The following RHOU variants were observed in gnomAD, a reference collection of about 807,000 sequenced individuals.
The protein encoded by RHOU is rho-related GTP-binding protein RhoU.
A neutral mutation model predicts 12.6 loss-of-function variants in RHOU; 8 were observed. The observed-to-expected ratio is 0.64, with a 90% CI of 0.37 to 1.15. The LOEUF (loss-of-function observed/expected upper bound fraction) is 1.15, where lower values mean the gene tolerates loss of function less well. RHOU is among the 50% of genes most tolerant of loss of function. The probability of loss-of-function intolerance (pLI) is 0.01; values close to 1 mark genes in which losing one functional copy is unlikely to be tolerated. For missense variants in RHOU, 258 were observed against 347.0 expected (o/e 0.74, Z 2.04); for synonymous variants, 161 against 147.4 (o/e 1.09, Z -0.67).
chr1:228,696,302 T>C, the RHOU span, among the ~76,000 whole-genome samples: 6 of 150,038 alleles, frequency 4.0e-5, no homozygotes, highest in Admixed American at 1.3e-4. Flanking sequence ...CAAGGAGAAG[T>C]AGAAGAAATT....
chr1:228,719,871 T>C, the RHOU span, among the ~76,000 whole-genome samples: 1 of 152,230 alleles, frequency 6.6e-6, no homozygotes, highest in Non-Finnish European at 1.5e-5. Context: ...TCTCCTGACC[T>C]GCACTGGTTA....
the RHOU span, among the ~76,000 whole-genome samples, chr1:228,711,421 A>G: frequency 6.6e-6 from 1 of 152,196 alleles, no homozygotes; most frequent in Non-Finnish European, 1.5e-5. Context: ...CTACAAGGCT[A>G]CAATAACCAA....
the RHOU span, chr1:228,650,346 C>T: frequency 6.3e-5 from 29 of 462,108 alleles, no homozygotes; most frequent in South Asian, 3.5e-4. Flanking sequence ...TGGCCTTTAC[C>T]GCCTTGAGCG....
the RHOU span, among the ~76,000 whole-genome samples, chr1:228,691,554 G>T: frequency 3.9e-5 from 6 of 152,040 alleles, no homozygotes; most frequent in Admixed American, 6.6e-5. Flanking sequence ...TGCATTTAAG[G>T]TTCTTCATGT....
At chr1:228,729,084 C>T in the RHOU span, among the ~76,000 whole-genome samples, 7 of 152,064 alleles carry the variant, frequency 4.6e-5, no homozygotes, top group East Asian at 5.8e-4. Context: ...TCAGTAGAGT[C>T]GGAGTTTCAC....
the RHOU span, among the ~76,000 whole-genome samples, chr1:228,725,880 A>T: frequency 6.6e-6 from 1 of 152,206 alleles, no homozygotes; most frequent in African/African-American, 2.4e-5. Flanking sequence ...TGAGTAGATA[A>T]AAAAATGATT....
intron 2 of RHOU, among the ~76,000 whole-genome samples, chr1:228,740,060 G>A (rs1662690615): frequency 6.6e-6 from 1 of 152,214 alleles, no homozygotes; most frequent in South Asian, 2.1e-4. Flanking sequence ...GAAAACCTCT[G>A]AGCAGAGTTT....
At chr1:228,658,692 A>T in the RHOU span, among the ~76,000 whole-genome samples, 1 of 152,242 alleles carries the variant, frequency 6.6e-6, no homozygotes, top group Non-Finnish European at 1.5e-5. Context: ...CAGAAAATAC[A>T]GTTGGCTGTC....
chr1:228,671,990 A>C, the RHOU span, among the ~76,000 whole-genome samples: 2 of 152,242 alleles, frequency 1.3e-5, no homozygotes, highest in African/African-American at 4.8e-5. Flanking sequence ...ATCATGTAGG[A>C]GTCAGCCATG....
At chr1:228,660,467 A>G in the RHOU span, among the ~76,000 whole-genome samples, 3 of 152,052 alleles carry the variant, frequency 2.0e-5, no homozygotes, top group African/African-American at 7.2e-5. Flanking sequence ...TCCCTAACTC[A>G]TTCTATGAGG....
At chr1:228,736,155 AC>A (rs1394213443) in intron 1 of RHOU, 151 bp downstream of exon 1, 6 of 738,830 alleles carry the variant, frequency 8.1e-6, no homozygotes, top group Non-Finnish European at 1.2e-5. Context: ...GGAGTGCAGG[AC>A]GTTTCCTGAG....
chr1:228,680,397 T>C, the RHOU span, among the ~76,000 whole-genome samples: 1 of 152,262 alleles, frequency 6.6e-6, no homozygotes, highest in Admixed American at 6.5e-5. Context: ...CTTTTGGCAT[T>C]TGAAACAAGG....
chr1:228,708,344 G>A, the RHOU span, among the ~76,000 whole-genome samples: 1 of 151,592 alleles, frequency 6.6e-6, no homozygotes, highest in African/African-American at 2.4e-5. Flanking sequence ...GCAACACCAA[G>A]ACACATAATT....
chr1:228,701,850 T>C, the RHOU span, among the ~76,000 whole-genome samples: 2 of 151,794 alleles, frequency 1.3e-5, no homozygotes, highest in Non-Finnish European at 2.9e-5. Flanking sequence ...TAGTACACTT[T>C]GTATATAGAA....
chr1:228,678,616 C>T, the RHOU span, among the ~76,000 whole-genome samples: 1 of 152,002 alleles, frequency 6.6e-6, no homozygotes, highest in Admixed American at 6.5e-5. Flanking sequence ...CTCTTTCAGC[C>T]CATAAAACAG....
the RHOU span, among the ~76,000 whole-genome samples, chr1:228,723,067 T>C: frequency 1.3e-5 from 2 of 152,168 alleles, no homozygotes; most frequent in Non-Finnish European, 2.9e-5. Flanking sequence ...CATTCCCCTC[T>C]CCCTAGTTAT....
At chr1:228,663,314 A>T in the RHOU span, among the ~76,000 whole-genome samples, 1 of 152,268 alleles carries the variant, frequency 6.6e-6, no homozygotes, top group East Asian at 1.9e-4. Flanking sequence ...AGCACACTAC[A>T]GTGTTTCAAG....
the RHOU span, among the ~76,000 whole-genome samples, chr1:228,671,097 C>G: frequency 6.6e-6 from 1 of 152,252 alleles, no homozygotes; most frequent in Non-Finnish European, 1.5e-5. Flanking sequence ...CTCCACCTCC[C>G]GGGTTCAAGT....
chr1:228,718,165 C>T, the RHOU span, among the ~76,000 whole-genome samples: 11 of 152,134 alleles, frequency 7.2e-5, no homozygotes, highest in East Asian at 1.9e-4. Flanking sequence ...AGTTCCCCTA[C>T]GTCCTCCAAA....
Sources: gnomAD v4.1 joint callset for allele counts (sites outside exome capture counted in the v4.1 genomes callset) on GRCh38, gnomAD v4.1.1 for gene constraint, MANE v1.5 for transcripts, NCBI Gene and HGNC (gene_info 2026-07-23, HGNC 2026-07-21) for gene names.